The following RTN4 variants were observed in gnomAD, a reference collection of about 807,000 sequenced individuals.
The protein encoded by RTN4 is reticulon 4.
Under a neutral mutation model 90.4 loss-of-function variants are expected in RTN4, and 32 were observed. The ratio of observed to expected loss-of-function variants is 0.35; its 90% confidence interval spans 0.27 to 0.48. The LOEUF (loss-of-function observed/expected upper bound fraction) is 0.48. RTN4 is among the 20% of genes least tolerant of loss of function. RTN4 has a pLI of 0.99. For synonymous variants in RTN4, 629 were observed against 552.5 expected (o/e 1.14, Z -1.94); for missense variants, 1,706 against 1,430.2 (o/e 1.19, Z -3.11).
At chr2:55,063,491 G>A (rs977205459) in intron 2 of RTN4, among the ~76,000 whole-genome samples, 6 of 150,796 alleles carry the variant, frequency 4.0e-5, no homozygotes, top group Non-Finnish European at 5.9e-5. Context: ...CAGATGCAAC[G>A]TCATTTAGGA....
At chr2:55,050,601 C>G (rs1388254581), upstream of RTN4, 1 of 264,730 alleles carries the variant, frequency 3.8e-6, no homozygotes, top group Non-Finnish European at 7.1e-6. The surrounding 1 kb of genome is among the most constrained non-coding windows in gnomAD (Gnocchi z 4.6). Flanking sequence ...CAGGGACTGG[C>G]GCGGGAGGGA....
Position 54,982,520 on chromosome 2 carries a change from G to C in RTN4, c.3355C>G (p.Leu1119Val), listed in dbSNP as rs1678219927. The change falls in exon 5 of 9, where the codon CTG (leucine) becomes GTG (valine). Residue 1119 changes from leucine to valine, a missense_variant. Transcript: ENST00000337526. ...GAAAGGCAAAATAAACTTACCTTCA[G>C]AGAATCAACTAAATCATCAACTAAG... is the stretch of plus-strand genomic sequence containing the variant. Reference protein sequence around the residue: ...LFLVDDLVDSLKFAVLMWVFT... With the variant: ...LFLVDDLVDSVKFAVLMWVFT... 4 of 1,608,396 alleles carry C rather than the reference G, an allele frequency of 2.5e-6. No individual in the cohort carries two copies. The East Asian group carries it at 8.9e-5, about 36-fold the overall frequency.
At chr2:55,091,913 T>C (rs529158659) in intron 1 of RTN4, among the ~76,000 whole-genome samples, 2 of 152,270 alleles carry the variant, frequency 1.3e-5, no homozygotes, top group South Asian at 4.1e-4. Flanking sequence ...TTACTCACTA[T>C]CACGAGAACA....
At position 55,025,303 on chromosome 2, in the gene RTN4, G is replaced by C; in HGVS notation, c.2796C>G (p.Ile932Met). Reference protein sequence around the residue: ...KNIQPKVEEKISFSDDFSKNG... With the variant: ...KNIQPKVEEKMSFSDDFSKNG... ...TTTTAGAAAAGTCATCTGAGAAACTGATTTTCTCTTCAACTTTGGGTTGTA... is the reference window on the plus strand; with the variant it reads ...TTTTAGAAAAGTCATCTGAGAAACTCATTTTCTCTTCAACTTTGGGTTGTA... The change falls in exon 3 of 9, where the codon ATC becomes ATG. Residue 932 changes from isoleucine (I) to methionine (M), a missense_variant. By Grantham distance (10) the Ile-to-Met change is conservative. Transcript: ENST00000337526. 6.2e-7 allele frequency: 1 copy of C among 1,613,918 alleles called. No homozygotes were observed. Among genetic ancestry groups the C allele is most frequent in the Non-Finnish European group, 8.5e-7 (1 of 1,179,884 alleles).
chr2:54,977,151 A>C (rs1220995279), intron 5 of RTN4, among the ~76,000 whole-genome samples: 2 of 152,246 alleles, frequency 1.3e-5, no homozygotes, highest in Admixed American at 1.3e-4. Flanking sequence ...TTACTCTGGC[A>C]GTTCTGACCA....
intron 1 of RTN4, chr2:55,080,710 T>C (rs764731632): frequency 2.1e-4 from 32 of 152,230 alleles, no homozygotes; most frequent in Non-Finnish European, 4.4e-4. Flanking sequence ...TTTTAAATCT[T>C]ATTTTACAAT....
chr2:55,065,525 A>T lies in RTN4; in HGVS notation c.-63+14964T>A, dbSNP rs192166114. 5.9e-4 allele frequency among the ~76,000 whole-genome samples: 90 copies of T among 152,136 alleles called. 2 individuals are homozygous for T. In the East Asian group the frequency reaches 0.011, roughly 18 times the overall value. ...CTAAAACTTATAAAATAAAAAAAAA[A>T]TTTTTCATCAAGAGTAGAATGGATT... On this transcript the variant is annotated intron_variant, in intron 2 of 3. Transcript: ENST00000427710.
rs376572906 is a variant in RTN4, at chr2:54,978,299, G to A, written c.3361-3535C>T. ...ACAAAAATTAGCTGGGCGTGGTGGCGGACACCTGTAGTCCCAGCTACTTGG... is the reference window on the plus strand; with the variant it reads ...ACAAAAATTAGCTGGGCGTGGTGGCAGACACCTGTAGTCCCAGCTACTTGG... On this transcript the variant is annotated intron_variant, in intron 5 of 8. Coordinates refer to ENST00000337526, the MANE Select transcript of RTN4 (RefSeq NM_020532.5). 8.0e-4 allele frequency among the ~76,000 whole-genome samples: 121 copies of A among 151,984 alleles called. 1 individual carries two copies. The highest frequency in any genetic ancestry group is 2.8e-3 in the African/African-American group (114 of 41,454).
At chr2:55,128,720 A>G in the RTN4 span, among the ~76,000 whole-genome samples, 1 of 152,202 alleles carries the variant, frequency 6.6e-6, no homozygotes, top group African/African-American at 2.4e-5. Flanking sequence ...GTGACATATT[A>G]AAATATCTGA....
At chr2:55,094,579 G>T (rs1246804219) in intron 1 of RTN4, among the ~76,000 whole-genome samples, 1 of 152,154 alleles carries the variant, frequency 6.6e-6, no homozygotes, top group Non-Finnish European at 1.5e-5. Flanking sequence ...GTAAATATTA[G>T]ATAGTGATAA....
intron 3 of RTN4, among the ~76,000 whole-genome samples, chr2:54,992,865 C>G (rs910967308): frequency 5.3e-5 from 8 of 151,532 alleles, no homozygotes; most frequent in African/African-American, 1.9e-4. Context: ...GTCAGGAGAT[C>G]GAGACCATCC....
chr2:54,994,508 G>C (rs1200105533), intron 3 of RTN4, among the ~76,000 whole-genome samples: 1 of 152,088 alleles, frequency 6.6e-6, no homozygotes, highest in Non-Finnish European at 1.5e-5. Context: ...TGCAGAAAAA[G>C]CATCTCACAA....
rs1682048757 is a variant in RTN4, at chr2:55,028,200, G to T, written c.577C>A (p.Pro193Thr). Residue 193 changes from proline (P) to threonine (T), a missense_variant, in exon 2 of 9, where the codon CCT becomes ACT. Pro to Thr is a conservative substitution (Grantham distance 38, BLOSUM62 -1). Coordinates refer to ENST00000337526, the MANE Select transcript of RTN4 (RefSeq NM_020532.5). ...GSVDETLFAL[P>T]AASEPVIRSS... is the part of the protein sequence containing the mutation. ...CGTATCACAGGCTCAGATGCAGCAG[G>T]AAGAGCAAAAAGGGTCTCATCTGAA... 6.2e-7 allele frequency: 1 copy of T among 1,612,434 alleles called. No homozygotes were observed. Among genetic ancestry groups the T allele is most frequent in the Non-Finnish European group, 8.5e-7 (1 of 1,179,270 alleles).
At chr2:55,131,550 T>C in the RTN4 span, among the ~76,000 whole-genome samples, 2 of 152,328 alleles carry the variant, frequency 1.3e-5, no homozygotes, top group African/African-American at 4.8e-5. Context: ...AACATTCTTT[T>C]ACCGGTTTGA....
Position 55,025,047 on chromosome 2 carries a change from G to A in RTN4, c.3013+39C>T, listed in dbSNP as rs1681713358. 7 of 1,545,670 alleles carry A rather than the reference G, an allele frequency of 4.5e-6. No individual in the cohort carries two copies. In the East Asian group the frequency reaches 1.6e-4, roughly 35 times the overall value. ...AGTGGAATGTTCCCTAAATCCAAAA[G>A]TGGCATGAAAGCACAAAACTGCATA... On this transcript the variant is annotated intron_variant, in intron 3 of 8. Coordinates refer to ENST00000337526, the MANE Select transcript of RTN4 (RefSeq NM_020532.5).
intron 1 of RTN4, among the ~76,000 whole-genome samples, chr2:55,091,884 C>A (rs907996375): frequency 1.2e-4 from 18 of 152,186 alleles, no homozygotes; most frequent in African/African-American, 4.3e-4. Context: ...CCTGATAAAT[C>A]CATCAGCTCT....
the RTN4 span, among the ~76,000 whole-genome samples, chr2:55,126,387 A>G: frequency 7.9e-5 from 12 of 152,080 alleles, no homozygotes; most frequent in African/African-American, 2.7e-4. Flanking sequence ...AAAAAAAAAA[A>G]GAAGACATAT....
chr2:55,043,474 G>A (rs946983707), intron 1 of RTN4, among the ~76,000 whole-genome samples: 1 of 152,088 alleles, frequency 6.6e-6, no homozygotes, highest in East Asian at 1.9e-4. Flanking sequence ...AATAAATGGC[G>A]GGGCACAGTG....
At chr2:55,091,313 C>G (rs1023390395) in intron 1 of RTN4, among the ~76,000 whole-genome samples, 1 of 152,178 alleles carries the variant, frequency 6.6e-6, no homozygotes, top group African/African-American at 2.4e-5. Context: ...AGGGTGTCAT[C>G]CACACTGGGC....
Sources: gnomAD v4.1 joint callset for allele counts (sites outside exome capture counted in the v4.1 genomes callset) on GRCh38, gnomAD v4.1.1 for gene constraint, Gnocchi (gnomAD v3.1) non-coding constraint, MANE v1.5 for transcripts, NCBI Gene and HGNC (gene_info 2026-07-23, HGNC 2026-07-21) for gene names.